PEBP4: variants seen among roughly 807,000 people sequenced by gnomAD.
PEBP4 encodes the protein phosphatidylethanolamine-binding protein 4.
PEBP4 carries 22 observed loss-of-function variants against 23.9 expected under a neutral mutation model. The observed-to-expected ratio is 0.92, with a 90% CI of 0.66 to 1.31. PEBP4 has a LOEUF of 1.31. PEBP4 is among the 40% of genes most tolerant of loss of function. PEBP4 has a pLI of 0.00. For missense variants in PEBP4, 324 were observed against 281.7 expected, an observed-to-expected ratio of 1.15 and a Z score of -1.07; for synonymous variants, 112 against 99.3, an observed-to-expected ratio of 1.13 and a Z score of -0.76.
intron 3 of PEBP4, among the ~76,000 whole-genome samples, chr8:22,918,787 G>T (rs1809133715): frequency 6.6e-6 from 1 of 152,144 alleles, no homozygotes; most frequent in African/African-American, 2.4e-5. Flanking sequence ...CCCGGCCTCT[G>T]CACCTCCCAT....
Position 22,751,588 on chromosome 8 carries a change from C to G in PEBP4, c.358-24368G>C, listed in dbSNP as rs945293488. The stretch of plus-strand genomic sequence containing the variant: ...TTGACTTGGATAAGGAGGAGTGTGT[C>G]TGTGTGTGTGTGTGTGTGTGTCTGT... On this transcript the variant is annotated intron_variant, in intron 4 of 6. Transcript: ENST00000256404. Among the ~76,000 whole-genome samples, 68 of 147,250 alleles carry G rather than the reference C, an allele frequency of 4.6e-4. 2 individuals carry two copies. The highest frequency in any genetic ancestry group is 2.0e-4 in the Admixed American group (3 of 14,850).
At chr8:22,799,426 A>G (rs191367258) in intron 4 of PEBP4, among the ~76,000 whole-genome samples, 188 of 152,348 alleles carry the variant, frequency 1.2e-3, no homozygotes, top group African/African-American at 4.2e-3. Context: ...TCTAAAGCCA[A>G]TGGGGAAGAT....
In PEBP4 at chr8:22,775,892, C is replaced by T. The variant is rs529376997; in HGVS notation, c.357+41745G>A. Among the ~76,000 whole-genome samples the T allele has an allele frequency of 1.6e-4, 25 of 152,214 alleles. No homozygotes were observed. In the South Asian group the frequency reaches 4.2e-3, roughly 25 times the overall value. On this transcript the variant is annotated intron_variant, in intron 4 of 6. Transcript: ENST00000256404. The surrounding 1 kb of genome is among the most constrained non-coding windows in gnomAD (Gnocchi z 4.8). ...GGGGGGTTTCCCGTTCTGGAGGCGC[C>T]GGCAGTGAGCTTCTCTGGGCCATCT... is the stretch of plus-strand genomic sequence containing the variant.
intron 4 of PEBP4, among the ~76,000 whole-genome samples, chr8:22,785,650 C>A (rs759357742): frequency 1.0e-3 from 156 of 152,260 alleles, no homozygotes; most frequent in Non-Finnish European, 1.8e-3. Flanking sequence ...CTGCCACCTG[C>A]TAGCAACATG....
chr8:22,893,839 C>G (rs577953075), intron 3 of PEBP4, among the ~76,000 whole-genome samples: 1 of 152,024 alleles, frequency 6.6e-6, no homozygotes, highest in South Asian at 2.1e-4. Context: ...AATATACATG[C>G]AATAGGAGTC....
chr8:22,917,012 G>A (rs1350341835), intron 3 of PEBP4, among the ~76,000 whole-genome samples: 3 of 151,800 alleles, frequency 2.0e-5, no homozygotes, highest in African/African-American at 4.8e-5. Context: ...GTCCAAAGAC[G>A]CCAAGGATGG....
chr8:22,866,873 A>T (rs1807914306), intron 3 of PEBP4, among the ~76,000 whole-genome samples: 1 of 152,134 alleles, frequency 6.6e-6, no homozygotes, highest in South Asian at 2.1e-4. Context: ...AAAGGTGGTG[A>T]TGTGTGAGTT....
chr8:22,868,064 C>T (rs1165720166), intron 3 of PEBP4, among the ~76,000 whole-genome samples: 3 of 152,156 alleles, frequency 2.0e-5, no homozygotes, highest in Non-Finnish European at 4.4e-5. Context: ...TAAGTGGCTG[C>T]CGACAGAGTT....
chr8:22,867,818 T>C (rs915730909), intron 3 of PEBP4, among the ~76,000 whole-genome samples: 6 of 152,196 alleles, frequency 3.9e-5, no homozygotes, highest in Non-Finnish European at 8.8e-5. Context: ...ATGTGAAAAC[T>C]CGGCTCTTGC....
chr8:22,847,729 C>G lies in PEBP4; in HGVS notation c.259-29994G>C, dbSNP rs189392637. 8.5e-5 allele frequency among the ~76,000 whole-genome samples: 13 copies of G among 152,296 alleles called. No homozygotes were observed. The East Asian group carries it at 1.4e-3, about 16-fold the overall frequency. On this transcript the variant is annotated intron_variant, in intron 3 of 6. Transcript: ENST00000256404. The stretch of plus-strand genomic sequence containing the variant: ...CAAAGATGGTTGTCACCCCTAGGAA[C>G]AGCATCAGGGAAGACTGGGTGAGTG...
intron 4 of PEBP4, among the ~76,000 whole-genome samples, chr8:22,804,198 G>A (rs553744323): frequency 1.3e-5 from 2 of 152,260 alleles, no homozygotes; most frequent in East Asian, 3.9e-4. Flanking sequence ...AGGCCTGGTG[G>A]TATGCACCTG....
At chr8:22,765,676 G>A (rs1805597895) in intron 4 of PEBP4, among the ~76,000 whole-genome samples, 1 of 152,242 alleles carries the variant, frequency 6.6e-6, no homozygotes, top group South Asian at 2.1e-4. Flanking sequence ...AACATACTGT[G>A]TATGTCCGTG....
chr8:22,832,149 T>C (rs1213972715), intron 3 of PEBP4, among the ~76,000 whole-genome samples: 1 of 152,118 alleles, frequency 6.6e-6, no homozygotes. Flanking sequence ...GGCAGACCAG[T>C]GTGCCACACC....
At chr8:22,833,789 C>A (rs1356673455) in intron 3 of PEBP4, among the ~76,000 whole-genome samples, 1 of 152,234 alleles carries the variant, frequency 6.6e-6, no homozygotes, top group East Asian at 1.9e-4. Flanking sequence ...ACTCTTCAAG[C>A]TACCAAGGCT....
intron 4 of PEBP4, among the ~76,000 whole-genome samples, chr8:22,785,457 C>T (rs1806008610): frequency 6.6e-6 from 1 of 152,152 alleles, no homozygotes; most frequent in Non-Finnish European, 1.5e-5. Context: ...CGGAGACGCC[C>T]TATCTCTGGA....
chr8:22,881,308 C>A (rs1185164792), intron 3 of PEBP4, among the ~76,000 whole-genome samples: 1 of 152,194 alleles, frequency 6.6e-6, no homozygotes, highest in Non-Finnish European at 1.5e-5. Flanking sequence ...CTCCTCAGAC[C>A]TTCCTATCAC....
chr8:22,788,323 C>T (rs572858356), intron 4 of PEBP4, among the ~76,000 whole-genome samples: 2 of 151,694 alleles, frequency 1.3e-5, no homozygotes, highest in African/African-American at 4.8e-5. Flanking sequence ...AAAGAAGGAG[C>T]AGGGAAAGAC....
chr8:22,925,511 C>T (rs4872038), intron 2 of PEBP4, among the ~76,000 whole-genome samples: 65,133 of 152,014 alleles, frequency 0.43, 14,587 homozygotes, highest in African/African-American at 0.55. Flanking sequence ...TTTGTAGGTT[C>T]GTTACTGACA....
At chr8:22,832,184 G>A (rs1014340348) in intron 3 of PEBP4, among the ~76,000 whole-genome samples, 2 of 152,166 alleles carry the variant, frequency 1.3e-5, no homozygotes, top group African/African-American at 4.8e-5. Context: ...AATGCTGATA[G>A]GGGCTGCATG....
Sources: gnomAD v4.1 joint callset for allele counts (sites outside exome capture counted in the v4.1 genomes callset) on GRCh38, gnomAD v4.1.1 for gene constraint, Gnocchi (gnomAD v3.1) non-coding constraint, MANE v1.5 for transcripts, NCBI Gene and HGNC (gene_info 2026-07-23, HGNC 2026-07-21) for gene names.